MGARP: variants seen among roughly 807,000 people sequenced by gnomAD.
The protein encoded by MGARP is protein MGARP.
Under a neutral mutation model 11.0 loss-of-function variants are expected in MGARP, and 12 were observed. That is an observed-to-expected ratio of 1.09 (90% CI 0.70 to 1.77). The LOEUF is 1.77. MGARP is among the 40% of genes most tolerant of loss of function. MGARP has a pLI of 0.00. For synonymous variants in MGARP, 110 were observed against 115.4 expected, an observed-to-expected ratio of 0.95 and a Z score of 0.30; for missense variants, 283 against 297.8, an observed-to-expected ratio of 0.95 and a Z score of 0.36.
intron 3 of MGARP, among the ~76,000 whole-genome samples, chr4:139,268,418 A>G (rs1744729121): frequency 6.6e-6 from 1 of 152,224 alleles, no homozygotes; most frequent in South Asian, 2.1e-4. Flanking sequence ...TTACCACACA[A>G]AGGAGTCAAA....
At chr4:139,275,249 T>C (rs1446508723) in intron 2 of MGARP, 40 bp downstream of exon 2, 3 of 1,533,566 alleles carry the variant, frequency 2.0e-6, no homozygotes, top group East Asian at 2.2e-5. Flanking sequence ...AGTTGTAAAA[T>C]ACATGAATTC....
At chr4:139,279,908 C>T (rs565178345) in intron 1 of MGARP, among the ~76,000 whole-genome samples, 169 bp downstream of exon 1, 1 of 152,368 alleles carries the variant, frequency 6.6e-6, no homozygotes, top group Admixed American at 6.5e-5. Context: ...TCTGCAGGAG[C>T]TTCGGGACGT....
intron 3 of MGARP, 23 bp downstream of exon 3, chr4:139,268,648 TA>T: frequency 6.6e-7 from 1 of 1,516,840 alleles, no homozygotes; most frequent in Non-Finnish European, 9.0e-7. Context: ...TAAATAAAAA[TA>T]AAAAATTAAG....
At chr4:139,278,810 T>G (rs933016577) in intron 1 of MGARP, among the ~76,000 whole-genome samples, 1 of 152,096 alleles carries the variant, frequency 6.6e-6, no homozygotes, top group Non-Finnish European at 1.5e-5. Context: ...TCTAGAAAAA[T>G]AAAGGCAATA....
chr4:139,275,470 T>G (rs1744853106), intron 1 of MGARP, 78 bp from the exon 2 acceptor site: 1 of 1,164,568 alleles, frequency 8.6e-7, no homozygotes, highest in Non-Finnish European at 1.2e-6. Flanking sequence ...CTTTCAAAAT[T>G]TTTCTACTCA....
intron 2 of MGARP, among the ~76,000 whole-genome samples, chr4:139,273,575 C>T (rs1744821734): frequency 6.9e-6 from 1 of 144,636 alleles, no homozygotes; most frequent in Non-Finnish European, 1.5e-5. Context: ...AGTGCAGTGG[C>T]ACAATCTCAG....
At chr4:139,271,506 A>G (rs1744781031) in intron 2 of MGARP, among the ~76,000 whole-genome samples, 1 of 152,178 alleles carries the variant, frequency 6.6e-6, no homozygotes, top group South Asian at 2.1e-4. Flanking sequence ...AGCCTGGGGG[A>G]CAAGAGATAC....
Position 139,273,108 on chromosome 4 carries a change from G to T in MGARP, c.186+2181C>A, listed in dbSNP as rs565569056. 6.4e-4 allele frequency among the ~76,000 whole-genome samples: 97 copies of T among 152,240 alleles called. No homozygotes were observed. In the Middle Eastern group the frequency reaches 0.01, roughly 16 times the overall value. ...TTTTGTAGAGATGGGGTCCCGCTATGTTGGCCAGGCAGGTCTCAAACTCCT... is the reference window on the plus strand; with the variant it reads ...TTTTGTAGAGATGGGGTCCCGCTATTTTGGCCAGGCAGGTCTCAAACTCCT... On this transcript the variant is annotated intron_variant, in intron 2 of 3. Coordinates refer to ENST00000398955, the MANE Select transcript of MGARP (RefSeq NM_032623.4).
intron 1 of MGARP, among the ~76,000 whole-genome samples, chr4:139,276,001 T>C (rs1409901527): frequency 6.6e-6 from 1 of 152,202 alleles, no homozygotes; most frequent in Non-Finnish European, 1.5e-5. Context: ...CAATTCTGTA[T>C]AAACTAATAG....
Position 139,274,824 on chromosome 4 carries a change from T to C in MGARP, c.186+465A>G, listed in dbSNP as rs893022488. On this transcript the variant is annotated intron_variant, in intron 2 of 3. Coordinates refer to ENST00000398955, the MANE Select transcript of MGARP (RefSeq NM_032623.4). ...AGTTAATCTTTCAAAATAATTCTTT[T>C]AAAATGTTAATAATAGTGCCTACCT... Among the ~76,000 whole-genome samples, 6 of 152,352 alleles carry C rather than the reference T, an allele frequency of 3.9e-5. No homozygotes were observed. The South Asian group carries it at 1.0e-3, about 26-fold the overall frequency.
Position 139,266,398 on chromosome 4 carries a change from A to C in MGARP, c.*201T>G. On this transcript the variant is annotated 3_prime_UTR_variant, in exon 4 of 4. Transcript: ENST00000398955. ...CTGCAATGTCATATTCTGATCTCAG[A>C]CAGTAGAAGAGTAGTAAGAAATGTA... 5 of 570,396 alleles carry C rather than the reference A, an allele frequency of 8.8e-6. No homozygotes were observed. Among genetic ancestry groups the C allele is most frequent in the Non-Finnish European group, 6.2e-6 (2 of 325,154 alleles). The allele number at this position is 570,396 out of a possible 1,614,324, so 35.3% of individuals were successfully genotyped here.
rs35412789 is a variant in MGARP at position 139,272,561 on chromosome 4, C to CAAAA, written c.186+2724_186+2727dup. Among the ~76,000 whole-genome samples, 199 of 109,308 alleles carry CAAAA rather than the reference C, an allele frequency of 1.8e-3. 1 individual carries two copies. Among genetic ancestry groups the CAAAA allele is most frequent in the South Asian group, 2.2e-3 (7 of 3,124 alleles). The allele number at this position is 109,308 out of a possible 152,430, so 71.7% of individuals were successfully genotyped here. A position where few individuals can be genotyped will look rare whatever the true frequency, so the allele number is the denominator to read the frequency against. Reference sequence around the variant, plus strand: ...ACGAGAGCGAGACTCTGTCCCCTCCCAAAAAAAAAAAAAAAAAAATTCTGA... The same window carrying CAAAA: ...ACGAGAGCGAGACTCTGTCCCCTCCCAAAAAAAAAAAAAAAAAAAAAAATTCTGA... On this transcript the variant is annotated intron_variant, in intron 2 of 3. Coordinates refer to ENST00000398955, the MANE Select transcript of MGARP (RefSeq NM_032623.4).
intron 1 of MGARP, among the ~76,000 whole-genome samples, chr4:139,276,291 A>G (rs1247096078): frequency 6.6e-6 from 1 of 152,222 alleles, no homozygotes; most frequent in Non-Finnish European, 1.5e-5. Flanking sequence ...CCCTAGTCTC[A>G]AGCCATTCAC....
chr4:139,271,892 A>AT (rs1398329696), intron 2 of MGARP, among the ~76,000 whole-genome samples: 1 of 152,232 alleles, frequency 6.6e-6, no homozygotes, highest in African/African-American at 2.4e-5. Context: ...TTATAAATGT[A>AT]TAACCTTTTA....
chr4:139,278,030 C>T lies in MGARP; in HGVS notation c.82+2047G>A, dbSNP rs149360102. On this transcript the variant is annotated intron_variant, in intron 1 of 3. Coordinates refer to ENST00000398955, the MANE Select transcript of MGARP (RefSeq NM_032623.4). ...ATCACCTTAGGTTGGGAGTTCAAGACCAGCCTGACCAACATGGAGAAACCC... is the reference window on the plus strand; with the variant it reads ...ATCACCTTAGGTTGGGAGTTCAAGATCAGCCTGACCAACATGGAGAAACCC... 1.4e-3 allele frequency among the ~76,000 whole-genome samples: 215 copies of T among 152,138 alleles called. 2 individuals are homozygous for T. The highest frequency in any genetic ancestry group is 4.9e-3 in the African/African-American group (203 of 41,506).
intron 3 of MGARP, 21 bp from the exon 4 acceptor site, chr4:139,267,062 G>A: frequency 6.2e-7 from 1 of 1,604,440 alleles, no homozygotes. Context: ...TAGTCATTAA[G>A]CAAGGTATTA....
At chr4:139,278,791 G>A (rs533145661) in intron 1 of MGARP, among the ~76,000 whole-genome samples, 20 of 152,054 alleles carry the variant, frequency 1.3e-4, no homozygotes, top group Admixed American at 8.5e-4. Context: ...ATATCATTTG[G>A]TATAAAGATC....
intron 2 of MGARP, among the ~76,000 whole-genome samples, chr4:139,270,501 C>T (rs1157715142): frequency 2.1e-5 from 3 of 145,976 alleles, no homozygotes; most frequent in Non-Finnish European, 3.0e-5. Context: ...CCCAACTACT[C>T]GGGAGGCTGA....
chr4:139,267,732 A>G (rs905304952), intron 3 of MGARP, among the ~76,000 whole-genome samples: 2 of 152,234 alleles, frequency 1.3e-5, no homozygotes, highest in Non-Finnish European at 2.9e-5. Flanking sequence ...ATGACAGGTT[A>G]AAACTGATTC....
Sources: allele counts gnomAD v4.1 joint callset (sites outside exome capture counted in the v4.1 genomes callset), GRCh38; gene constraint gnomAD v4.1.1; transcripts MANE v1.5; gene names NCBI Gene and HGNC (gene_info 2026-07-23, HGNC 2026-07-21).